Variants in COL11A2 observed in about 807,000 individuals in gnomAD.
The protein encoded by COL11A2 is collagen type XI alpha 2 chain.
COL11A2 carries 116 observed loss-of-function variants against 273.4 expected under a neutral mutation model. That is an observed-to-expected ratio of 0.42 (90% CI 0.36 to 0.49). The LOEUF is 0.49. Ranked by LOEUF, COL11A2 falls within the 20% of genes least tolerant of loss-of-function variation. The probability of loss-of-function intolerance (pLI) is 0.00; values close to 1 mark genes in which losing one functional copy is unlikely to be tolerated. For synonymous variants in COL11A2, 782 were observed against 864.2 expected, an observed-to-expected ratio of 0.90 and a Z score of 1.67; for missense variants, 1,866 against 2,309.0, an observed-to-expected ratio of 0.81 and a Z score of 3.93.
At position 33,170,372 on chromosome 6, in the gene COL11A2, G is replaced by T; in HGVS notation, c.3536C>A (p.Pro1179His). 1 of 1,613,090 alleles carries T rather than the reference G, an allele frequency of 6.2e-7. No homozygotes were observed. The highest frequency in any genetic ancestry group is 8.5e-7 in the Non-Finnish European group (1 of 1,179,660). ...TGGACCTCGAGGTCCTGGGGGGCCA[G>T]GTGGTCCCTGGGGGAAACAGATACA... ...ETGDVGPMGPPGPPGPRGPAG... is the reference protein window; with the variant it reads ...ETGDVGPMGPHGPPGPRGPAG... The change falls in exon 48 of 66, where the codon CCT (proline) becomes CAT (histidine). Residue 1179 changes from proline (P) to histidine (H), a missense_variant. By Grantham distance (77) the Pro-to-His change is moderately conservative. Transcript: ENST00000341947. The surrounding 1 kb of genome is among the most constrained non-coding windows in gnomAD (Gnocchi z 4.3).
Position 33,176,562 on chromosome 6 carries a change from G to A in COL11A2, c.2116-76C>T. The stretch of plus-strand genomic sequence containing the variant: ...GGGGGCCTCCAGGGGTGGAAGAAAT[G>A]GAAGTAACAACATTGCTGTCTGGGT... On this transcript the variant is annotated intron_variant, in intron 26 of 65. Coordinates refer to ENST00000341947, the MANE Select transcript of COL11A2 (RefSeq NM_080680.3). This position sits in a 1 kb window ranked among gnomAD's most constrained non-coding sequence, Gnocchi z 4.9. The A allele has an allele frequency of 2.7e-6, 4 of 1,459,480 alleles. No individual in the cohort carries two copies. Among genetic ancestry groups the A allele is most frequent in the Non-Finnish European group, 3.8e-6 (4 of 1,043,946 alleles). The allele number at this position is 1,459,480 out of a possible 1,614,324, so 90.4% of individuals were successfully genotyped here.
In COL11A2 at chr6:33,167,388, C is replaced by A. The variant is rs756376471; in HGVS notation, c.4122+38G>T. 1 of 1,612,456 alleles carries A rather than the reference C, an allele frequency of 6.2e-7. No homozygotes were observed. The highest frequency in any genetic ancestry group is 1.1e-5 in the South Asian group (1 of 91,070). On this transcript the variant is annotated intron_variant, in intron 56 of 65. Transcript: ENST00000341947. The surrounding 1 kb of genome is among the most constrained non-coding windows in gnomAD (Gnocchi z 6.1). ...ACTGCACCCCTCCCATGGCCCCTCA[C>A]TCCCACCCCAGCCCAGCCCTTCCCT...
In COL11A2 at chr6:33,192,437, GC is replaced by G. The variant is rs1179614623; in HGVS notation, c.-198del. 1 of 616,158 alleles carries G rather than the reference GC, an allele frequency of 1.6e-6. No homozygotes were observed. Among genetic ancestry groups the G allele is most frequent in the Admixed American group, 2.8e-5 (1 of 36,002 alleles). 38.2% of individuals were successfully genotyped at this position (616,158 alleles called of 1,614,324 possible). A position where few individuals can be genotyped will look rare whatever the true frequency, so the allele number is the denominator to read the frequency against. ...AGGCGCCGTCGGGGCTCCCGGCACT[GC>G]TCCCTCCTCGGTGGCTGCCGCTTCT... On this transcript the variant is annotated 5_prime_UTR_variant, in exon 1 of 66. Transcript: ENST00000341947.
At chr6:33,184,889 C>T (rs987530500) in intron 7 of COL11A2, 103 bp downstream of exon 7, 22 of 959,002 alleles carry the variant, frequency 2.3e-5, no homozygotes, top group Admixed American at 4.0e-5. Context: ...AAGAACCCTC[C>T]GGCCAGAGGA....
intron 3 of COL11A2, 77 bp from the exon 4 acceptor site, chr6:33,188,601 A>G: frequency 6.4e-7 from 1 of 1,560,842 alleles, no homozygotes; most frequent in Non-Finnish European, 8.8e-7. Context: ...GAGAGCAGTG[A>G]TAAGAGTTGA....
chr6:33,181,317 A>C, intron 8 of COL11A2, 147 bp from the exon 9 acceptor site: 1 of 816,628 alleles, frequency 1.2e-6, no homozygotes, highest in Non-Finnish European at 2.0e-6. Context: ...CTCCCCTAAA[A>C]CTCCCTCTTC....
Position 33,176,566 on chromosome 6 carries a change from G to A in COL11A2, c.2116-80C>T. On this transcript the variant is annotated intron_variant, in intron 26 of 65. Coordinates refer to ENST00000341947, the MANE Select transcript of COL11A2 (RefSeq NM_080680.3). The surrounding 1 kb of genome is among the most constrained non-coding windows in gnomAD (Gnocchi z 4.9). ...GCCTCCAGGGGTGGAAGAAATGGAAGTAACAACATTGCTGTCTGGGTAGGG... is the reference window on the plus strand; with the variant it reads ...GCCTCCAGGGGTGGAAGAAATGGAAATAACAACATTGCTGTCTGGGTAGGG... 1 of 1,445,490 alleles carries A rather than the reference G, an allele frequency of 6.9e-7. No homozygotes were observed. The highest frequency in any genetic ancestry group is 9.7e-7 in the Non-Finnish European group (1 of 1,031,506). The allele number at this position is 1,445,490 out of a possible 1,614,324, so 89.5% of individuals were successfully genotyped here.
chr6:33,164,439 C>A lies in COL11A2; in HGVS notation c.4898G>T (p.Gly1633Val). ...CCGCAGGAAGGTGAGCTGGACCACA[C>A]CCACTGGGGAGCCCTCTGAGTCCAC... Reference protein sequence around the residue: ...SYVDSEGSPVGVVQLTFLRLL... With the variant: ...SYVDSEGSPVVVVQLTFLRLL... Residue 1633 changes from glycine to valine, a missense_variant, in exon 65 of 66, where the codon GGT becomes GTT. Transcript: ENST00000341947. The surrounding 1 kb of genome is among the most constrained non-coding windows in gnomAD (Gnocchi z 4.7). 1 of 1,581,778 alleles carries A rather than the reference C, an allele frequency of 6.3e-7. No individual in the cohort carries two copies. The highest frequency in any genetic ancestry group is 8.6e-7 in the Non-Finnish European group (1 of 1,163,554).
intron 7 of COL11A2, among the ~76,000 whole-genome samples, 159 bp downstream of exon 7, chr6:33,184,833 T>G (rs1562376962): frequency 6.6e-6 from 1 of 152,024 alleles, no homozygotes; most frequent in Non-Finnish European, 1.5e-5. Flanking sequence ...AGCAGGCCCA[T>G]AGTTCTAGAG....
At position 33,178,421 on chromosome 6, in the gene COL11A2, G is replaced by A; in HGVS notation, c.1773+14C>T. ...TCCCCTGCACCCAGCCCCTACATTTGCCACTACACTTACCCTCTCTCCATC... is the reference window on the plus strand; with the variant it reads ...TCCCCTGCACCCAGCCCCTACATTTACCACTACACTTACCCTCTCTCCATC... On this transcript the variant is annotated intron_variant, in intron 19 of 65. Transcript: ENST00000341947. The surrounding 1 kb of genome is among the most constrained non-coding windows in gnomAD (Gnocchi z 4.6). 1.2e-6 allele frequency: 2 copies of A among 1,612,850 alleles called. No individual in the cohort carries two copies. Among genetic ancestry groups the A allele is most frequent in the Non-Finnish European group, 1.7e-6 (2 of 1,179,954 alleles).
chr6:33,176,990 A>C lies in COL11A2; in HGVS notation c.2070+2T>G. ...TGGATTCGGAAGTGGGGTCCCACTC[A>C]CCGGGGGTCCGTCTGAGCCAGGCAT... On this transcript the variant is annotated splice_donor_variant, in intron 25 of 65. Coordinates refer to ENST00000341947, the MANE Select transcript of COL11A2 (RefSeq NM_080680.3). LOFTEE classifies it high-confidence loss of function. The surrounding 1 kb of genome is among the most constrained non-coding windows in gnomAD (Gnocchi z 4.9). 1 of 1,610,658 alleles carries C rather than the reference A, an allele frequency of 6.2e-7. No homozygotes were observed. The highest frequency in any genetic ancestry group is 8.5e-7 in the Non-Finnish European group (1 of 1,178,874).
Position 33,173,826 on chromosome 6 carries a change from G to C in COL11A2, c.2583+47C>G. ...AGGTCAGGATGTTGAGGGAGAGCTG[G>C]GGCTGAGTGGGCAGGGGGCAGTTGG... On this transcript the variant is annotated intron_variant, in intron 34 of 65. Transcript: ENST00000341947. This position sits in a 1 kb window ranked among gnomAD's most constrained non-coding sequence, Gnocchi z 6.3. 6.2e-7 allele frequency: 1 copy of C among 1,612,760 alleles called. No homozygotes were observed. The highest frequency in any genetic ancestry group is 8.5e-7 in the Non-Finnish European group (1 of 1,178,838).
chr6:33,168,454 G>T, intron 54 of COL11A2, 65 bp downstream of exon 54: 1 of 1,566,682 alleles, frequency 6.4e-7, no homozygotes, highest in Non-Finnish European at 8.8e-7. Context: ...ACCTGCCATT[G>T]CCCAGCCTCC....
At position 33,170,331 on chromosome 6, in the gene COL11A2, C is replaced by T. The variant is rs768639928; in HGVS notation, c.3577G>A (p.Ala1193Thr). The T allele has an allele frequency of 3.1e-6, 5 of 1,613,570 alleles. No individual in the cohort carries two copies. The highest frequency in any genetic ancestry group is 2.2e-5 in the South Asian group (2 of 90,960). The part of the protein sequence containing the change: ...GPRGPAGPNG[A>T]DGPQGPPGGV... The stretch of plus-strand genomic sequence containing the variant: ...CAGGGGCTGAGATGACTCACATCAG[C>T]GCCATTGGGTCCAGCTGGACCTCGA... The change falls in exon 48 of 66, where the codon GCT (alanine) becomes ACT (threonine). Residue 1193 changes from alanine (A) to threonine (T), a missense_variant. Coordinates refer to ENST00000341947, the MANE Select transcript of COL11A2 (RefSeq NM_080680.3). The surrounding 1 kb of genome is among the most constrained non-coding windows in gnomAD (Gnocchi z 4.3).
chr6:33,177,286 G>A lies in COL11A2; in HGVS notation c.1972-61C>T, dbSNP rs551948965. 2.0e-5 allele frequency: 32 copies of A among 1,608,214 alleles called. No homozygotes were observed. The Admixed American group carries it at 2.0e-4, about 10-fold the overall frequency. On this transcript the variant is annotated intron_variant, in intron 23 of 65. Transcript: ENST00000341947. This position sits in a 1 kb window ranked among gnomAD's most constrained non-coding sequence, Gnocchi z 5.9. The stretch of plus-strand genomic sequence containing the variant: ...CAGGGTCTCTTCTATCCAGCCTCCC[G>A]GATTCAAAGCATGAGCAACAAGGGC...
chr6:33,165,030 C>T lies in COL11A2; in HGVS notation c.4751-66G>A, dbSNP rs1768912938. ...CCAGGCTCCAAGATGCTCTTTGCCC[C>T]CACATTCCCTCTTCCCTCCCAGCCC... is the stretch of plus-strand genomic sequence containing the variant. On this transcript the variant is annotated intron_variant, in intron 63 of 65. Transcript: ENST00000341947. This position sits in a 1 kb window ranked among gnomAD's most constrained non-coding sequence, Gnocchi z 7.7. 8.0e-7 allele frequency: 1 copy of T among 1,243,722 alleles called. No homozygotes were observed. The highest frequency in any genetic ancestry group is 1.3e-5 in the South Asian group (1 of 77,330). The allele number at this position is 1,243,722 out of a possible 1,614,324, so 77.0% of individuals were successfully genotyped here. A position where few individuals can be genotyped will look rare whatever the true frequency, so the allele number is the denominator to read the frequency against.
chr6:33,175,393 T>C (rs926641039), intron 30 of COL11A2, 181 bp downstream of exon 30: 2 of 701,334 alleles, frequency 2.9e-6, no homozygotes, highest in African/African-American at 3.5e-5. Flanking sequence ...TTTCCCTGAC[T>C]TCTTATATAT....
At chr6:33,168,888 C>T in intron 52 of COL11A2, 67 bp downstream of exon 52, 1 of 1,566,850 alleles carries the variant, frequency 6.4e-7, no homozygotes, top group African/African-American at 1.4e-5. Context: ...GCCCAGCGGC[C>T]ACACAGAGGA....
Position 33,177,980 on chromosome 6 carries a change from G to A in COL11A2, c.1872+152C>T. The A allele has an allele frequency of 1.1e-6, 1 of 899,556 alleles. No homozygotes were observed. The highest frequency in any genetic ancestry group is 1.7e-6 in the Non-Finnish European group (1 of 578,078). 55.7% of individuals were successfully genotyped at this position (899,556 alleles called of 1,614,324 possible). ...TCCCTGTGCACGGGGAGCGAATGCT[G>A]AGGCAGGGCAGTGTGGGGCCAGAGC... On this transcript the variant is annotated intron_variant, in intron 21 of 65. Coordinates refer to ENST00000341947, the MANE Select transcript of COL11A2 (RefSeq NM_080680.3). This position sits in a 1 kb window ranked among gnomAD's most constrained non-coding sequence, Gnocchi z 5.9.
Sources: allele counts gnomAD v4.1 joint callset (sites outside exome capture counted in the v4.1 genomes callset), GRCh38; gene constraint gnomAD v4.1.1; non-coding constraint Gnocchi (gnomAD v3.1); transcripts MANE v1.5; gene names NCBI Gene and HGNC (gene_info 2026-07-23, HGNC 2026-07-21).